Variants in GK5 observed in about 807,000 individuals in gnomAD.
The protein encoded by GK5 is glycerol kinase 5, also known as ATP:glycerol 3-phosphotransferase 5.
A neutral mutation model predicts 77.3 loss-of-function variants in GK5; 39 were observed. The ratio of observed to expected loss-of-function variants is 0.50; its 90% CI spans 0.39 to 0.66. The LOEUF (loss-of-function observed/expected upper bound fraction) is 0.66. Among genes scored for constraint, GK5 ranks in the 30% least tolerant of loss-of-function variants. The pLI is 0.00. For synonymous variants in GK5, 211 were observed against 208.0 expected, an observed-to-expected ratio of 1.01 and a Z score of -0.13; for missense variants, 487 against 633.8, an observed-to-expected ratio of 0.77 and a Z score of 2.49.
intron 9 of GK5, 91 bp from the exon 10 acceptor site, chr3:142,183,140 T>G: frequency 8.8e-7 from 1 of 1,132,180 alleles, no homozygotes; most frequent in Non-Finnish European, 1.3e-6. Context: ...CTCTCATGAT[T>G]AAACATCTTC....
At chr3:142,203,101 T>C (rs1232414730) in intron 4 of GK5, among the ~76,000 whole-genome samples, 1 of 152,130 alleles carries the variant, frequency 6.6e-6, no homozygotes, top group Non-Finnish European at 1.5e-5. Context: ...TATTAAGGTA[T>C]AAAATTATAG....
chr3:142,198,405 G>C (rs1040362675), intron 5 of GK5, among the ~76,000 whole-genome samples: 2 of 152,074 alleles, frequency 1.3e-5, no homozygotes, highest in Admixed American at 6.5e-5. Context: ...CTGAGGTCAG[G>C]AGTGTGTGAC....
chr3:142,200,245 T>C (rs553129769), intron 4 of GK5, among the ~76,000 whole-genome samples: 3 of 152,280 alleles, frequency 2.0e-5, no homozygotes, highest in African/African-American at 4.8e-5. Context: ...CTCAGCGCAA[T>C]GCAACCTCTG....
At chr3:142,167,562 T>C (rs1404169138) in intron 15 of GK5, among the ~76,000 whole-genome samples, 1 of 152,188 alleles carries the variant, frequency 6.6e-6, no homozygotes, top group Admixed American at 6.5e-5. Context: ...TTTAAGACAT[T>C]TTATTAAGTA....
intron 12 of GK5, among the ~76,000 whole-genome samples, chr3:142,175,722 C>T (rs896166973): frequency 6.6e-6 from 1 of 152,068 alleles, no homozygotes; most frequent in Non-Finnish European, 1.5e-5. Context: ...GGGCAGGTTG[C>T]AATCATGGCA....
At position 142,173,211 on chromosome 3, in the gene GK5, A is replaced by C. The variant is rs189824759; in HGVS notation, c.1144-755T>G. 10 of 446,758 alleles carry C rather than the reference A, an allele frequency of 2.2e-5. 1 individual carries two copies. Among genetic ancestry groups the C allele is most frequent in the African/African-American group, 1.5e-4 (7 of 47,288 alleles). The allele number at this position is 446,758 out of a possible 1,614,324, so 27.7% of individuals were successfully genotyped here. On this transcript the variant is annotated intron_variant, in intron 12 of 15. Coordinates refer to ENST00000392993, the MANE Select transcript of GK5 (RefSeq NM_001039547.3). ...GTGAGACAGGGTCTAAAAAAAAAAA[A>C]AAAACACCACTACACTCTTCTCTCT...
intron 3 of GK5, among the ~76,000 whole-genome samples, chr3:142,210,434 G>A (rs2064175715): frequency 6.6e-6 from 1 of 152,092 alleles, no homozygotes; most frequent in Non-Finnish European, 1.5e-5. Context: ...GTTTGCTAGG[G>A]CTCTTGTGGA....
chr3:142,165,845 G>A (rs975583996), intron 15 of GK5, 75 bp from the exon 16 acceptor site: 9 of 940,156 alleles, frequency 9.6e-6, no homozygotes, highest in Middle Eastern at 2.2e-4. Context: ...AAACCTATAC[G>A]AGTTGCTGGT....
chr3:142,170,128 G>A, intron 15 of GK5, 197 bp downstream of exon 15: 2 of 679,830 alleles, frequency 2.9e-6, no homozygotes, highest in South Asian at 1.6e-5. Flanking sequence ...GGTGAGGTGA[G>A]GATAGAAGAG....
At position 142,164,395 on chromosome 3, in the gene GK5, T is replaced by G. The variant is rs2063451489; in HGVS notation, c.*1227A>C. On this transcript the variant is annotated 3_prime_UTR_variant, in exon 16 of 16. Transcript: ENST00000392993. ...CAAATGTAGGGAGGGGCAAATAAAGTGAAAACATGTTGGAAGGTGGGGTCA... is the reference window on the plus strand; with the variant it reads ...CAAATGTAGGGAGGGGCAAATAAAGGGAAAACATGTTGGAAGGTGGGGTCA... The G allele has an allele frequency of 6.6e-6, 1 of 152,110 alleles. No homozygotes were observed. Among genetic ancestry groups the G allele is most frequent in the African/African-American group, 2.4e-5 (1 of 41,430 alleles). 9.4% of individuals were successfully genotyped at this position (152,110 alleles called of 1,614,324 possible).
rs1161907815 is a variant in GK5, at chr3:142,158,047, G to C, written c.*7575C>G. On this transcript the variant is annotated 3_prime_UTR_variant, in exon 16 of 16. Transcript: ENST00000392993. ...GCTCACTGCAAGCTCCGCCTCCTGG[G>C]TTCATGCCATTCTCTTGCCTCAGCC... 6.6e-6 allele frequency: 1 copy of C among 152,126 alleles called. No individual in the cohort carries two copies. Among genetic ancestry groups the C allele is most frequent in the Non-Finnish European group, 1.5e-5 (1 of 68,078 alleles). 9.4% of individuals were successfully genotyped at this position (152,126 alleles called of 1,614,324 possible). A position where few individuals can be genotyped will look rare whatever the true frequency, so the allele number is the denominator to read the frequency against.
In GK5 at chr3:142,165,146, T is replaced by A. The variant is rs1325854777; in HGVS notation, c.*476A>T. ...AACATAAAATATTAATGTTTCAAAATTCCACATTTTCTCAGTTATTCTTTC... is the reference window on the plus strand; with the variant it reads ...AACATAAAATATTAATGTTTCAAAAATCCACATTTTCTCAGTTATTCTTTC... On this transcript the variant is annotated 3_prime_UTR_variant, in exon 16 of 16. Transcript: ENST00000392993. 1 of 152,762 alleles carries A rather than the reference T, an allele frequency of 6.5e-6. No homozygotes were observed. The highest frequency in any genetic ancestry group is 2.4e-5 in the African/African-American group (1 of 41,474). 9.5% of individuals were successfully genotyped at this position (152,762 alleles called of 1,614,324 possible).
At chr3:142,182,844 A>T in intron 10 of GK5, 79 bp downstream of exon 10, 1 of 935,024 alleles carries the variant, frequency 1.1e-6, no homozygotes, top group Non-Finnish European at 1.6e-6. Flanking sequence ...AAATGGGAAA[A>T]TAGTATAAGT....
At chr3:142,205,227 CA>C (rs975604752) in intron 3 of GK5, among the ~76,000 whole-genome samples, 3 of 152,138 alleles carry the variant, frequency 2.0e-5, no homozygotes, top group Non-Finnish European at 4.4e-5. Flanking sequence ...ACATGCTTAC[CA>C]AAATCTCTCC....
At chr3:142,214,663 G>A (rs1458903954) in intron 2 of GK5, among the ~76,000 whole-genome samples, 3 of 152,266 alleles carry the variant, frequency 2.0e-5, no homozygotes, top group East Asian at 3.9e-4. Context: ...AGCCTAAGCC[G>A]ACTGACAGCT....
At chr3:142,182,201 C>T (rs2063706234) in intron 10 of GK5, among the ~76,000 whole-genome samples, 1 of 152,106 alleles carries the variant, frequency 6.6e-6, no homozygotes, top group African/African-American at 2.4e-5. Context: ...GTCTGTAAAT[C>T]CCAGGATTTG....
At chr3:142,165,832 C>A in intron 15 of GK5, 62 bp from the exon 16 acceptor site, 1 of 1,157,042 alleles carries the variant, frequency 8.6e-7, no homozygotes, top group Non-Finnish European at 1.2e-6. Flanking sequence ...AAAGTTTATC[C>A]AAAAACCTAT....
chr3:142,209,074 G>A (rs912958892), intron 3 of GK5, among the ~76,000 whole-genome samples: 1 of 151,984 alleles, frequency 6.6e-6, no homozygotes, highest in Non-Finnish European at 1.5e-5. Context: ...GCGTGAACTC[G>A]GGAGGCAGAG....
chr3:142,162,456 C>A lies in GK5; in HGVS notation c.*3166G>T, dbSNP rs917224512. On this transcript the variant is annotated 3_prime_UTR_variant, in exon 16 of 16. Coordinates refer to ENST00000392993, the MANE Select transcript of GK5 (RefSeq NM_001039547.3). ...ATTTATCCAGTCCAAAATGTCAATG[C>A]TGAGATTAGGAAACCATGCCATGGT... 11 of 152,042 alleles carry A rather than the reference C, an allele frequency of 7.2e-5. No individual in the cohort carries two copies. Among genetic ancestry groups the A allele is most frequent in the Middle Eastern group, 3.2e-3 (1 of 316 alleles). 9.4% of individuals were successfully genotyped at this position (152,042 alleles called of 1,614,324 possible).
Sources: allele counts gnomAD v4.1 joint callset (sites outside exome capture counted in the v4.1 genomes callset), GRCh38; gene constraint gnomAD v4.1.1; transcripts MANE v1.5; gene names NCBI Gene and HGNC (gene_info 2026-07-23, HGNC 2026-07-21).